Variants in PAX6 observed in about 807,000 individuals in gnomAD.
The protein encoded by PAX6 is paired box 6.
Under a neutral mutation model 60.7 loss-of-function variants are expected in PAX6, and 7 were observed. The ratio of observed to expected loss-of-function variants is 0.12; its 90% confidence interval spans 0.07 to 0.22. PAX6 has a LOEUF of 0.22. Ranked by LOEUF, PAX6 falls within the 10% of genes least tolerant of loss-of-function variation. The pLI, the probability that PAX6 is intolerant of heterozygous loss-of-function variation, is 1.00. For synonymous variants in PAX6, 208 were observed against 201.2 expected (o/e 1.03, Z -0.29); for missense variants, 355 against 555.2 (o/e 0.64, Z 3.62).
Position 31,804,222 on chromosome 11 carries a change from A to T in PAX6, c.11-1388T>A, listed in dbSNP as rs889164542. 5 of 152,226 alleles carry T rather than the reference A, an allele frequency of 3.3e-5. 1 individual carries two copies. Among genetic ancestry groups the T allele is most frequent in the African/African-American group, 4.8e-5 (2 of 41,458 alleles). The allele number at this position is 152,226 out of a possible 1,614,324, so 9.4% of individuals were successfully genotyped here. A position where few individuals can be genotyped will look rare whatever the true frequency, so the allele number is the denominator to read the frequency against. On this transcript the variant is annotated intron_variant, in intron 4 of 13. Transcript: ENST00000640368. ...GGAAGTCGCTCCGGATCATGCATGG[A>T]AGGCTAATTGAAAAGATCAGTCGGG...
intron 13 of PAX6, 83 bp downstream of exon 13, chr11:31,790,627 C>T (rs1351817529): frequency 1.3e-6 from 2 of 1,596,390 alleles, no homozygotes; most frequent in East Asian, 4.5e-5. Context: ...CACGCCCTCC[C>T]ATAAGACCAG....
intron 7 of PAX6, chr11:31,801,334 G>A: frequency 2.1e-6 from 3 of 1,444,366 alleles, no homozygotes; most frequent in East Asian, 2.5e-5. Flanking sequence ...CCTCTGTTTT[G>A]CAGCATGCAA....
rs928773220 is a variant in PAX6, at chr11:31,816,344, C to T, written c.-317+1465G>A. 203 of 555,136 alleles carry T rather than the reference C, an allele frequency of 3.7e-4. No individual in the cohort carries two copies. The Admixed American group carries it at 6.4e-3, about 18-fold the overall frequency. The allele number at this position is 555,136 out of a possible 1,614,324, so 34.4% of individuals were successfully genotyped here. A position where few individuals can be genotyped will look rare whatever the true frequency, so the allele number is the denominator to read the frequency against. ...GAAAAAAAGACAAGCCTATCACGGG[C>T]GCCCTCCGATCACGAAGGGCACGGG... On this transcript the variant is annotated intron_variant, in intron 1 of 12. Coordinates refer to the PAX6 transcript ENST00000241001.
intron 4 of PAX6, 115 bp downstream of exon 4, chr11:31,806,285 GGC>G: frequency 8.0e-7 from 1 of 1,254,210 alleles, no homozygotes. Flanking sequence ...CAGGTCCCCG[GGC>G]CTCAGTCGGT....
intron 8 of PAX6, among the ~76,000 whole-genome samples, chr11:31,799,738 C>G (rs1042828054): frequency 6.6e-6 from 1 of 152,192 alleles, no homozygotes; most frequent in Non-Finnish European, 1.5e-5. Context: ...GCAGCCTCCT[C>G]GCAGTCCCGC....
intron 2 of PAX6, chr11:31,809,252 T>C (rs1161307630): frequency 6.6e-6 from 1 of 152,188 alleles, no homozygotes; most frequent in African/African-American, 2.4e-5. Flanking sequence ...TCACTGGCTA[T>C]AAAAAATGTA....
chr11:31,795,419 C>G (rs1017060366), intron 8 of PAX6, among the ~76,000 whole-genome samples: 5 of 152,182 alleles, frequency 3.3e-5, no homozygotes, highest in Non-Finnish European at 5.9e-5. Flanking sequence ...ACGAGCACAG[C>G]TGTAATTATA....
intron 4 of PAX6, 193 bp downstream of exon 4, chr11:31,806,209 C>G (rs1258971060): frequency 1.8e-6 from 1 of 560,780 alleles, no homozygotes; most frequent in African/African-American, 2.0e-5. Context: ...TCTCCAGTAT[C>G]GAGAAGAGCC....
chr11:31,816,578 G>A (rs1300077727), intron 1 of PAX6: 2 of 702,636 alleles, frequency 2.8e-6, no homozygotes, highest in East Asian at 2.7e-5. Flanking sequence ...TGCGAAGCAG[G>A]CGACCTGCTC....
upstream of PAX6, chr11:31,811,589 T>C (rs553304063): frequency 1.0e-3 from 197 of 188,972 alleles, no homozygotes; most frequent in Middle Eastern, 0.01. Context: ...GCCGCGAACT[T>C]GAGCGGTCAA....
chr11:31,804,614 T>C (rs1955185342), intron 4 of PAX6: 3 of 152,360 alleles, frequency 2.0e-5, no homozygotes, highest in Admixed American at 2.0e-4. Flanking sequence ...CTAACTTCCT[T>C]TTATTGCCTT....
chr11:31,802,814 G>A lies in PAX6; in HGVS notation c.31C>T (p.Leu11Phe). Residue 11 changes from leucine (L) to phenylalanine (F), a missense_variant, in exon 5 of 14, where the codon CTC becomes TTC. Coordinates refer to ENST00000640368, the MANE Select transcript of PAX6 (RefSeq NM_001368894.2). Reference protein sequence around the residue: MQNSHSGVNQLGGVFVNGRPL... With the variant: MQNSHSGVNQFGGVFVNGRPL... ...CGCCCGTTGACAAAGACACCACCGA[G>A]CTGATTCACTCCGCTGTGACCTGAG... The A allele has an allele frequency of 6.2e-7, 1 of 1,614,020 alleles. No homozygotes were observed. The highest frequency in any genetic ancestry group is 8.5e-7 in the Non-Finnish European group (1 of 1,180,000).
intron 9 of PAX6, 192 bp from the exon 10 acceptor site, chr11:31,794,306 C>A (rs932326498): frequency 1.5e-6 from 1 of 658,794 alleles, no homozygotes; most frequent in South Asian, 1.8e-5. Flanking sequence ...TTTGGAATGG[C>A]ATTCAGTGAC....
chr11:31,800,812 C>T lies in PAX6; in HGVS notation c.444G>A (p.Lys148=). Residue 148 remains lysine (K), a synonymous_variant, in exon 8 of 14, where the codon AAG becomes AAA. Transcript: ENST00000640368. ...ACATGCCGTCTGCGCCCATCTGTTG[C>T]TTTTCGCTAGCCAGGTTGCGAAGAA... ...NRVLRNLASE[K]QQMGADGMYD... 1 of 1,614,194 alleles carries T rather than the reference C, an allele frequency of 6.2e-7. No individual in the cohort carries two copies. The highest frequency in any genetic ancestry group is 2.2e-5 in the East Asian group (1 of 44,880).
At chr11:31,806,370 C>G in intron 4 of PAX6, 32 bp downstream of exon 4, 1 of 1,602,204 alleles carries the variant, frequency 6.2e-7, no homozygotes, top group Non-Finnish European at 8.5e-7. Context: ...GCACCCCGAG[C>G]CCGAAGTCCC....
Position 31,800,623 on chromosome 11 carries a change from G to A in PAX6, c.565+68C>T, listed in dbSNP as rs1953402684. ...ATGGAAGCCCTGAGAGGAAATGGTT[G>A]GGAGAGTAGGGGACAGGCAAAGGGA... is the stretch of plus-strand genomic sequence containing the variant. On this transcript the variant is annotated intron_variant, in intron 8 of 13. Transcript: ENST00000640368. 6.4e-6 allele frequency: 10 copies of A among 1,563,142 alleles called. No homozygotes were observed. In the South Asian group the frequency reaches 1.0e-4, roughly 16 times the overall value.
chr11:31,794,026 C>T lies in PAX6; in HGVS notation c.807+6G>A, dbSNP rs375134684. On this transcript the variant is annotated splice_donor_region_variant and intron_variant, in intron 10 of 13. Coordinates refer to ENST00000640368, the MANE Select transcript of PAX6 (RefSeq NM_001368894.2). ...CAAAGTGTGAAACTGCACAGTCTCT[C>T]GGTACCTGTATTCTTGCTTCAGGTA... is the stretch of plus-strand genomic sequence containing the variant. The T allele has an allele frequency of 1.3e-5, 20 of 1,586,114 alleles. No individual in the cohort carries two copies. Among genetic ancestry groups the T allele is most frequent in the East Asian group, 2.2e-5 (1 of 44,770 alleles).
rs1017645659 is a variant in PAX6 at position 31,811,284 on chromosome 11, G to C, written c.-486C>G. The C allele has an allele frequency of 2.5e-6, 1 of 398,768 alleles. No homozygotes were observed. The highest frequency in any genetic ancestry group is 2.1e-5 in the African/African-American group (1 of 48,654). The allele number at this position is 398,768 out of a possible 1,614,324, so 24.7% of individuals were successfully genotyped here. Reference sequence around the variant, plus strand: ...AGAGCGGGAAATGAGGCCGAGCCACGGTTCCCTTTTCAAACCCACTAATCA... The same window carrying C: ...AGAGCGGGAAATGAGGCCGAGCCACCGTTCCCTTTTCAAACCCACTAATCA... On this transcript the variant is annotated 5_prime_UTR_variant, in exon 1 of 14. Transcript: ENST00000640368.
At chr11:31,799,844 G>A (rs961092234) in intron 8 of PAX6, among the ~76,000 whole-genome samples, 1 of 152,126 alleles carries the variant, frequency 6.6e-6, no homozygotes, top group Non-Finnish European at 1.5e-5. Context: ...TTGTCACGAG[G>A]ACAACAAATA....
Sources: allele counts gnomAD v4.1 joint callset (sites outside exome capture counted in the v4.1 genomes callset), GRCh38; gene constraint gnomAD v4.1.1; transcripts MANE v1.5; gene names NCBI Gene and HGNC (gene_info 2026-07-23, HGNC 2026-07-21).